The following STXBP5L variants were observed in gnomAD, a reference collection of about 807,000 sequenced individuals.
The protein encoded by STXBP5L is syntaxin binding protein 5L, also known as syntaxin-binding protein 5-like.
Under a neutral mutation model 144.5 loss-of-function variants are expected in STXBP5L, and 65 were observed. That is an observed-to-expected ratio of 0.45 (90% CI 0.37 to 0.55). The LOEUF is 0.55. Ranked by LOEUF, STXBP5L falls within the 20% of genes least tolerant of loss-of-function variation. STXBP5L has a pLI of 0.00. For missense variants in STXBP5L, 1,298 were observed against 1,405.5 expected (o/e 0.92, Z 1.22); for synonymous variants, 505 against 469.6 (o/e 1.08, Z -0.97).
chr3:121,374,026 C>T (rs1037636804), intron 20 of STXBP5L, among the ~76,000 whole-genome samples: 1 of 152,178 alleles, frequency 6.6e-6, no homozygotes, highest in East Asian at 1.9e-4. Flanking sequence ...CCTGCATGTG[C>T]CCCCCAGGGA....
intron 9 of STXBP5L, among the ~76,000 whole-genome samples, chr3:121,189,016 A>T (rs145301317): frequency 1.4e-4 from 21 of 152,350 alleles, no homozygotes; most frequent in African/African-American, 4.8e-4. Flanking sequence ...AGGAAGTCAA[A>T]TTGTCCCAGT....
intron 5 of STXBP5L, among the ~76,000 whole-genome samples, chr3:121,064,938 G>A (rs1016557007): frequency 6.6e-6 from 1 of 152,098 alleles, no homozygotes; most frequent in Non-Finnish European, 1.5e-5. Flanking sequence ...TTCTTCAAAT[G>A]TTTATGTCTA....
chr3:121,285,789 A>G (rs1312960769), intron 19 of STXBP5L, among the ~76,000 whole-genome samples: 1 of 152,094 alleles, frequency 6.6e-6, no homozygotes, highest in African/African-American at 2.4e-5. Context: ...TTCTTCTAAT[A>G]TATAAAGTAA....
intron 25 of STXBP5L, among the ~76,000 whole-genome samples, chr3:121,417,922 G>A (rs1432047148): frequency 1.3e-5 from 2 of 152,144 alleles, no homozygotes; most frequent in African/African-American, 4.8e-5. Flanking sequence ...AAGAGAACCT[G>A]TGGCCTACAA....
At chr3:120,958,685 C>G (rs1389554119) in intron 3 of STXBP5L, among the ~76,000 whole-genome samples, 1 of 151,626 alleles carries the variant, frequency 6.6e-6, no homozygotes, top group Non-Finnish European at 1.5e-5. Flanking sequence ...GCAGAAAAGG[C>G]CTTTGACAAA....
chr3:121,036,289 A>T (rs907254631), intron 3 of STXBP5L, among the ~76,000 whole-genome samples: 1 of 152,038 alleles, frequency 6.6e-6, no homozygotes, highest in Non-Finnish European at 1.5e-5. Context: ...GCTGATATTG[A>T]GCCACTGTAC....
intron 5 of STXBP5L, among the ~76,000 whole-genome samples, chr3:121,063,024 A>T (rs546016659): frequency 6.6e-6 from 1 of 152,288 alleles, no homozygotes; most frequent in South Asian, 2.1e-4. Context: ...CATCAAACTC[A>T]TTCTCCATCC....
chr3:121,097,186 A>G (rs771155997), intron 5 of STXBP5L, among the ~76,000 whole-genome samples: 5 of 152,090 alleles, frequency 3.3e-5, no homozygotes, highest in African/African-American at 1.2e-4. Flanking sequence ...CCCCACACCA[A>G]GCTCAATTGT....
chr3:121,388,669 G>T lies in STXBP5L; in HGVS notation c.2587+7137G>T, dbSNP rs543541247. Among the ~76,000 whole-genome samples the T allele has an allele frequency of 3.3e-5, 5 of 152,236 alleles. No homozygotes were observed. The East Asian group carries it at 5.8e-4, about 18-fold the overall frequency. On this transcript the variant is annotated intron_variant, in intron 22 of 26. Coordinates refer to ENST00000471454, the MANE Select transcript of STXBP5L (RefSeq NM_001308330.2). ...AGATAACCATGTGTTTTTTGTCATT[G>T]GTTCTGTTTATGTGATGGGTACGTT...
At chr3:121,313,995 G>C (rs1277166077) in intron 19 of STXBP5L, among the ~76,000 whole-genome samples, 1 of 151,278 alleles carries the variant, frequency 6.6e-6, no homozygotes. Context: ...CATCTCAGAC[G>C]ATGGGCGGCC....
chr3:121,006,710 A>C (rs1206217006), intron 3 of STXBP5L, among the ~76,000 whole-genome samples: 1 of 152,112 alleles, frequency 6.6e-6, no homozygotes, highest in Non-Finnish European at 1.5e-5. Context: ...TTCTATGTTT[A>C]GTGCCTCCTT....
intron 3 of STXBP5L, among the ~76,000 whole-genome samples, chr3:120,967,155 A>T (rs972008846): frequency 6.6e-6 from 1 of 152,076 alleles, no homozygotes; most frequent in African/African-American, 2.4e-5. Flanking sequence ...ACCTTGGGAA[A>T]AGTGCAGTAT....
chr3:121,318,223 T>C (rs574999184), intron 19 of STXBP5L, among the ~76,000 whole-genome samples: 7 of 152,126 alleles, frequency 4.6e-5, no homozygotes, highest in African/African-American at 1.7e-4. Flanking sequence ...TTTGGGAAGC[T>C]GAGGTGGGAG....
At chr3:121,083,896 TATC>T (rs1247986412) in intron 5 of STXBP5L, among the ~76,000 whole-genome samples, 2 of 152,294 alleles carry the variant, frequency 1.3e-5, no homozygotes, top group Non-Finnish European at 1.5e-5. Flanking sequence ...GTGGAGTTGT[TATC>T]ATTTTCAAAG....
chr3:121,114,147 G>C (rs1416069374), intron 5 of STXBP5L, among the ~76,000 whole-genome samples: 1 of 152,136 alleles, frequency 6.6e-6, no homozygotes, highest in African/African-American at 2.4e-5. Context: ...GAGTGATAAT[G>C]TTGTGAATAG....
intron 5 of STXBP5L, among the ~76,000 whole-genome samples, chr3:121,107,702 T>C (rs916460869): frequency 6.6e-6 from 1 of 151,680 alleles, no homozygotes; most frequent in African/African-American, 2.4e-5. Flanking sequence ...TGGGCTCTTT[T>C]TTGGCTCCAT....
intron 3 of STXBP5L, 29 bp from the exon 4 acceptor site, chr3:121,041,671 G>T (rs1372820654): frequency 6.5e-7 from 1 of 1,529,212 alleles, no homozygotes; most frequent in Non-Finnish European, 9.1e-7. Flanking sequence ...TAATTAAAAT[G>T]TTAGAATCCT....
intron 3 of STXBP5L, among the ~76,000 whole-genome samples, chr3:120,974,977 G>C (rs1037107299): frequency 3.3e-5 from 5 of 152,170 alleles, no homozygotes; most frequent in Non-Finnish European, 5.9e-5. Context: ...CGGGTAGCGT[G>C]ATGCCTCCAG....
chr3:120,941,325 A>G (rs1710556374), intron 2 of STXBP5L, among the ~76,000 whole-genome samples: 1 of 151,752 alleles, frequency 6.6e-6, no homozygotes, highest in Admixed American at 6.6e-5. Flanking sequence ...TTAATAATAC[A>G]TTAGTATGCA....
Sources: allele counts gnomAD v4.1 joint callset (sites outside exome capture counted in the v4.1 genomes callset), GRCh38; gene constraint gnomAD v4.1.1; transcripts MANE v1.5; gene names NCBI Gene and HGNC (gene_info 2026-07-23, HGNC 2026-07-21).